SORCS3: variants seen among roughly 807,000 people sequenced by gnomAD.
SORCS3 encodes sortilin related VPS10 domain containing receptor 3.
A neutral mutation model predicts 146.3 loss-of-function variants in SORCS3; 57 were observed. That is an observed-to-expected ratio of 0.39 (90% CI 0.31 to 0.49). The LOEUF (loss-of-function observed/expected upper bound fraction) is 0.49, where lower values mean the gene tolerates loss of function less well. Ranked by LOEUF, SORCS3 falls within the 20% of genes least tolerant of loss-of-function variation. The pLI is 0.92. For synonymous variants in SORCS3, 653 were observed against 618.5 expected (o/e 1.06, Z -0.83); for missense variants, 1,341 against 1,575.5 (o/e 0.85, Z 2.52).
chr10:104,696,668 TA>T (rs2016214784), intron 1 of SORCS3, among the ~76,000 whole-genome samples: 1 of 10,864 alleles, frequency 9.2e-5, no homozygotes, highest in Non-Finnish European at 1.6e-4. Flanking sequence ...GTATATATAA[TA>T]TATAACATAT....
intron 20 of SORCS3, among the ~76,000 whole-genome samples, chr10:105,237,865 A>G (rs2056801757): frequency 1.3e-5 from 2 of 152,192 alleles, no homozygotes; most frequent in African/African-American, 4.8e-5. Context: ...TTGGAAGGTG[A>G]TGTTTTATGG....
At chr10:105,059,788 C>G (rs570270182) in intron 5 of SORCS3, among the ~76,000 whole-genome samples, 1 of 152,312 alleles carries the variant, frequency 6.6e-6, no homozygotes, top group South Asian at 2.1e-4. Flanking sequence ...GCCCCTCACC[C>G]CAGGCCCCAT....
intron 1 of SORCS3, among the ~76,000 whole-genome samples, chr10:104,785,367 C>G (rs1324388668): frequency 7.0e-6 from 1 of 142,106 alleles, no homozygotes; most frequent in Non-Finnish European, 1.5e-5. Flanking sequence ...CTTTGTTAAA[C>G]AGATGCTTGA....
At chr10:105,146,961 A>G (rs2056135530) in intron 8 of SORCS3, among the ~76,000 whole-genome samples, 1 of 152,156 alleles carries the variant, frequency 6.6e-6, no homozygotes, top group African/African-American at 2.4e-5. Context: ...GACCCAGAAC[A>G]TTAAATTCCA....
intron 5 of SORCS3, among the ~76,000 whole-genome samples, chr10:105,049,789 A>G (rs554856718): frequency 6.6e-6 from 1 of 152,150 alleles, no homozygotes; most frequent in Admixed American, 6.6e-5. Flanking sequence ...AAAGGTGGGA[A>G]CAATAGACAC....
chr10:104,763,869 G>A (rs893927110), intron 1 of SORCS3, among the ~76,000 whole-genome samples: 1 of 152,054 alleles, frequency 6.6e-6, no homozygotes, highest in African/African-American at 2.4e-5. Flanking sequence ...ATAAGTGGTT[G>A]GTAGTTCCTC....
At chr10:104,858,201 T>C (rs111280361) in intron 2 of SORCS3, among the ~76,000 whole-genome samples, 3,528 of 152,316 alleles carry the variant, frequency 0.023, 65 homozygotes, top group Non-Finnish European at 0.035. Flanking sequence ...ACTGTTAAAA[T>C]ATACCAATCA....
At chr10:104,705,396 C>T (rs866064049) in intron 1 of SORCS3, among the ~76,000 whole-genome samples, 1 of 151,944 alleles carries the variant, frequency 6.6e-6, no homozygotes, top group Non-Finnish European at 1.5e-5. Flanking sequence ...CTCCCTACTC[C>T]CAGTATTTTA....
chr10:105,175,084 G>C (rs2056388702), intron 13 of SORCS3, among the ~76,000 whole-genome samples: 2 of 152,084 alleles, frequency 1.3e-5, no homozygotes, highest in Admixed American at 1.3e-4. Context: ...TTTCACTCTT[G>C]TTGCCCAGGC....
chr10:104,746,210 C>T (rs1256467350), intron 1 of SORCS3, among the ~76,000 whole-genome samples: 1 of 150,514 alleles, frequency 6.6e-6, no homozygotes, highest in African/African-American at 2.4e-5. Context: ...GATCTCGGCT[C>T]ACTGCAAGCT....
At chr10:104,878,611 G>T (rs894271295) in intron 2 of SORCS3, among the ~76,000 whole-genome samples, 5 of 152,098 alleles carry the variant, frequency 3.3e-5, no homozygotes, top group Admixed American at 1.3e-4. Flanking sequence ...TAGAATAAGG[G>T]TTAGGTATTT....
chr10:104,803,237 T>C (rs1390227293), intron 1 of SORCS3, among the ~76,000 whole-genome samples: 1 of 152,232 alleles, frequency 6.6e-6, no homozygotes, highest in Non-Finnish European at 1.5e-5. Context: ...GAGAAGTCTG[T>C]AGCTGTATGG....
chr10:105,139,436 C>G lies in SORCS3; in HGVS notation c.1252C>G (p.Arg418Gly), dbSNP rs371068614. The G allele has an allele frequency of 8.4e-5, 136 of 1,613,504 alleles. No individual in the cohort carries two copies. Among genetic ancestry groups the G allele is most frequent in the Non-Finnish European group, 1.1e-4 (129 of 1,179,640 alleles). ...SGRASYYVSYRREAFAQIKLP... is the reference protein window; with the variant it reads ...SGRASYYVSYGREAFAQIKLP... The stretch of plus-strand genomic sequence containing the variant: ...AAGAGCCAGCTACTACGTGTCTTAT[C>G]GAAGAGAGGCCTTTGCTCAGATAAA... The change falls in exon 8 of 27, where the codon CGA (arginine) becomes GGA (glycine). Residue 418 changes from arginine (R) to glycine (G), a missense_variant. Physicochemically the swap from Arg to Gly is moderately radical, Grantham distance 125. Transcript: ENST00000369701.
At chr10:105,179,720 T>C (rs980476983) in intron 14 of SORCS3, among the ~76,000 whole-genome samples, 10 of 152,198 alleles carry the variant, frequency 6.6e-5, no homozygotes, top group Non-Finnish European at 1.3e-4. Flanking sequence ...TCTATCTCTA[T>C]TCTAAATTTG....
intron 5 of SORCS3, among the ~76,000 whole-genome samples, chr10:105,054,417 G>A (rs578056167): frequency 5.9e-5 from 9 of 151,310 alleles, no homozygotes; most frequent in Non-Finnish European, 1.2e-4. Context: ...ATATATAAAA[G>A]GCATAAAAAT....
chr10:104,701,697 T>G (rs893434297), intron 1 of SORCS3, among the ~76,000 whole-genome samples: 1 of 152,212 alleles, frequency 6.6e-6, no homozygotes, highest in African/African-American at 2.4e-5. Context: ...TAATCCTAAG[T>G]GCAGTGGTAA....
At position 105,163,883 on chromosome 10, in the gene SORCS3, T is replaced by TACACAC. The variant is rs67886313; in HGVS notation, c.1733-387_1733-382dup. On this transcript the variant is annotated intron_variant, in intron 11 of 26. Transcript: ENST00000369701. ...ACACACAGACACACAGTTACGCACA[T>TACACAC]ACACACACACACACACACACACACA... 9.7e-4 allele frequency among the ~76,000 whole-genome samples: 134 copies of TACACAC among 138,712 alleles called. 2 individuals are homozygous for TACACAC. Among genetic ancestry groups the TACACAC allele is most frequent in the Admixed American group, 4.9e-3 (69 of 14,060 alleles). The allele number at this position is 138,712 out of a possible 152,430, so 91.0% of individuals were successfully genotyped here. A position where few individuals can be genotyped will look rare whatever the true frequency, so the allele number is the denominator to read the frequency against.
chr10:104,722,955 G>A (rs973201962), intron 1 of SORCS3, among the ~76,000 whole-genome samples: 2 of 152,060 alleles, frequency 1.3e-5, no homozygotes, highest in African/African-American at 4.8e-5. Flanking sequence ...ATTTTTTGAA[G>A]GGTTTTTTGT....
intron 13 of SORCS3, among the ~76,000 whole-genome samples, chr10:105,174,832 C>G (rs1205647141): frequency 6.6e-6 from 1 of 152,106 alleles, no homozygotes; most frequent in Non-Finnish European, 1.5e-5. Flanking sequence ...TTTCTCTCCC[C>G]ATCTGGACTT....
Sources: allele counts gnomAD v4.1 joint callset (sites outside exome capture counted in the v4.1 genomes callset), GRCh38; gene constraint gnomAD v4.1.1; transcripts MANE v1.5; gene names NCBI Gene and HGNC (gene_info 2026-07-23, HGNC 2026-07-21).